Variants in NSF observed in about 807,000 individuals in gnomAD.
The protein encoded by NSF is N-ethylmaleimide sensitive factor, vesicle fusing ATPase.
NSF carries 14 observed loss-of-function variants against 50.3 expected under a neutral mutation model. The observed-to-expected ratio is 0.28, with a 90% CI of 0.18 to 0.44. The LOEUF is 0.44. Among genes scored for constraint, NSF ranks in the 20% least tolerant of loss-of-function variants. NSF has a pLI of 1.00. For missense variants in NSF, 218 were observed against 504.3 expected (o/e 0.43, Z 5.44); for synonymous variants, 109 against 175.7 (o/e 0.62, Z 3.00).
At chr17:46,714,082 A>T in intron 15 of NSF, 96 bp downstream of exon 15, 2 of 1,286,254 alleles carry the variant, frequency 1.6e-6, no homozygotes, top group Non-Finnish European at 2.1e-6. Context: ...ATATAAACCC[A>T]TAGCAACTAT....
At chr17:46,751,966 A>C (rs2059185471) in intron 19 of NSF, among the ~76,000 whole-genome samples, 1 of 152,228 alleles carries the variant, frequency 6.6e-6, no homozygotes, top group South Asian at 2.1e-4. Flanking sequence ...TGAATTATCC[A>C]AGATCACATC....
intron 17 of NSF, among the ~76,000 whole-genome samples, chr17:46,741,632 A>G: frequency 6.6e-6 from 1 of 152,050 alleles, no homozygotes; most frequent in Non-Finnish European, 1.5e-5. Flanking sequence ...TAAACAAGAG[A>G]AATCAGAAAT....
chr17:46,708,164 A>T (rs531474438), intron 13 of NSF, among the ~76,000 whole-genome samples: 1 of 152,224 alleles, frequency 6.6e-6, no homozygotes, highest in East Asian at 1.9e-4. Flanking sequence ...GGCTGTACAG[A>T]TATCTCTTCA....
At chr17:46,738,990 CT>C (rs1344574008) in intron 17 of NSF, among the ~76,000 whole-genome samples, 1 of 151,894 alleles carries the variant, frequency 6.6e-6, no homozygotes, top group African/African-American at 2.4e-5. Context: ...AATCCCAGCA[CT>C]TTGGGAGGCC....
intron 17 of NSF, among the ~76,000 whole-genome samples, chr17:46,730,891 A>G (rs186188706): frequency 4.6e-4 from 70 of 152,294 alleles, no homozygotes; most frequent in African/African-American, 1.3e-3. Context: ...TAGAATGGCT[A>G]TCATCAAAAA....
intron 17 of NSF, among the ~76,000 whole-genome samples, chr17:46,737,941 T>G (rs2059026454): frequency 1.7e-5 from 1 of 60,412 alleles, no homozygotes. Flanking sequence ...ATTATTATTA[T>G]TATTATTATT....
chr17:46,684,462 T>C (rs2058476984), intron 9 of NSF, among the ~76,000 whole-genome samples: 1 of 152,104 alleles, frequency 6.6e-6, no homozygotes, highest in South Asian at 2.1e-4. Context: ...ATGATTGTAA[T>C]GGGATTGCTG....
chr17:46,752,292 C>T (rs903158348), intron 19 of NSF, among the ~76,000 whole-genome samples: 1 of 152,182 alleles, frequency 6.6e-6, no homozygotes, highest in Non-Finnish European at 1.5e-5. Context: ...CTCCACCCTT[C>T]CATGTGCCCA....
chr17:46,697,453 G>A (rs1351318952), intron 12 of NSF, among the ~76,000 whole-genome samples: 10 of 148,628 alleles, frequency 6.7e-5, no homozygotes, highest in South Asian at 4.2e-4. Context: ...CTCGTGATCC[G>A]CCCGCCTCAG....
chr17:46,719,822 G>A lies in NSF; in HGVS notation c.1761+5836G>A, dbSNP rs1158040353. ...GCTTTCTGAGTATACAATCAGTAGA[G>A]ATGAAGTAGAACAATCAGATAGAAC... On this transcript the variant is annotated intron_variant, in intron 15 of 20. Transcript: ENST00000398238. The surrounding 1 kb of genome is among the most constrained non-coding windows in gnomAD (Gnocchi z 4.3). Among the ~76,000 whole-genome samples the A allele has an allele frequency of 6.6e-6, 1 of 152,154 alleles. No individual in the cohort carries two copies. Among genetic ancestry groups the A allele is most frequent in the African/African-American group, 2.4e-5 (1 of 41,420 alleles).
intron 15 of NSF, among the ~76,000 whole-genome samples, chr17:46,722,889 A>C (rs529235286): frequency 6.6e-6 from 1 of 152,334 alleles, no homozygotes; most frequent in East Asian, 1.9e-4. Flanking sequence ...TCGGTGTGTT[A>C]ATAGAGCTTG....
chr17:46,724,152 C>T (rs2146287797), intron 15 of NSF, among the ~76,000 whole-genome samples: 1 of 152,288 alleles, frequency 6.6e-6, no homozygotes, highest in African/African-American at 2.4e-5. Flanking sequence ...TCCACCCTTT[C>T]CACTGGTTAA....
intron 17 of NSF, among the ~76,000 whole-genome samples, chr17:46,748,011 G>T (rs552085134): frequency 6.6e-6 from 1 of 152,178 alleles, no homozygotes; most frequent in East Asian, 1.9e-4. Context: ...GTATTAAAAA[G>T]GTTAGAAACA....
At chr17:46,723,222 GT>G (rs2058850918) in intron 15 of NSF, among the ~76,000 whole-genome samples, 2 of 152,234 alleles carry the variant, frequency 1.3e-5, no homozygotes, top group Non-Finnish European at 2.9e-5. Flanking sequence ...CAGCCAGGCT[GT>G]GGTGTTCCAG....
intron 17 of NSF, among the ~76,000 whole-genome samples, chr17:46,746,694 G>A (rs1219898890): frequency 6.6e-6 from 1 of 152,154 alleles, no homozygotes; most frequent in Non-Finnish European, 1.5e-5. Context: ...GGCAGTATAT[G>A]ATTTAGGTCT....
chr17:46,745,158 A>G (rs547699163), intron 17 of NSF, among the ~76,000 whole-genome samples: 13 of 152,236 alleles, frequency 8.5e-5, no homozygotes, highest in Admixed American at 7.2e-4. Flanking sequence ...TTTTGTTTTT[A>G]AAGCTGCATC....
chr17:46,711,075 C>T lies in NSF; in HGVS notation c.1583C>T (p.Thr528Ile). 6.3e-7 allele frequency: 1 copy of T among 1,578,828 alleles called. No homozygotes were observed. The highest frequency in any genetic ancestry group is 8.6e-7 in the Non-Finnish European group (1 of 1,167,366). Residue 528 changes from threonine (T) to isoleucine (I), a missense_variant, in exon 14 of 21, where the codon ACT becomes ATT. Thr to Ile is a moderately conservative substitution (Grantham distance 89, BLOSUM62 -1). Around this residue, in one of 2 missense-constraint regions of NSF, gnomAD observed 209 missense variants for 320.9 expected, o/e 0.65. Coordinates refer to ENST00000398238, the MANE Select transcript of NSF (RefSeq NM_006178.4). Reference sequence around the variant, plus strand: ...GATGGGGAGCTGCTGGTGCAGCAGACTAAGAACAGTGACCGCACACCATTG... The same window carrying T: ...GATGGGGAGCTGCTGGTGCAGCAGATTAAGAACAGTGACCGCACACCATTG... ...LDDGELLVQQ[T>I]KNSDRTPLVS...
At chr17:46,716,052 T>C (rs1432964973) in intron 15 of NSF, among the ~76,000 whole-genome samples, 1 of 152,216 alleles carries the variant, frequency 6.6e-6, no homozygotes, top group Non-Finnish European at 1.5e-5. Flanking sequence ...GAATGAAGCA[T>C]AGGTTTCTTA....
At chr17:46,605,395 C>A (rs1194434580) in intron 1 of NSF, among the ~76,000 whole-genome samples, 1 of 138,134 alleles carries the variant, frequency 7.2e-6, no homozygotes, top group Non-Finnish European at 1.6e-5. Context: ...TTGCAGTGAG[C>A]CGAGATCGTG....
Sources: allele counts gnomAD v4.1 joint callset (sites outside exome capture counted in the v4.1 genomes callset), GRCh38; gene constraint gnomAD v4.1.1; regional missense constraint gnomAD v4.1.1; non-coding constraint Gnocchi (gnomAD v3.1); transcripts MANE v1.5; gene names NCBI Gene and HGNC (gene_info 2026-07-23, HGNC 2026-07-21).